The following UBE2R2 variants were observed in gnomAD, a reference collection of about 807,000 sequenced individuals.
The protein encoded by UBE2R2 is ubiquitin-conjugating enzyme E2 R2.
A neutral mutation model predicts 27.8 loss-of-function variants in UBE2R2; 1 was observed. The observed-to-expected ratio is 0.04, with a 90% confidence interval of 0.01 to 0.17. UBE2R2 has a LOEUF of 0.17. UBE2R2 is among the 10% of genes least tolerant of loss of function. The pLI, the probability that UBE2R2 is intolerant of heterozygous loss-of-function variation, is 1.00. For synonymous variants in UBE2R2, 106 were observed against 113.3 expected (o/e 0.94, Z 0.41); for missense variants, 100 against 291.0 (o/e 0.34, Z 4.78).
At position 33,912,057 on chromosome 9, in the gene UBE2R2, A is replaced by G. The variant is rs1239736379; in HGVS notation, c.456A>G (p.Arg152=). The G allele has an allele frequency of 6.2e-7, 1 of 1,613,314 alleles. No homozygotes were observed. Among genetic ancestry groups the G allele is most frequent in the Non-Finnish European group, 8.5e-7 (1 of 1,179,578 alleles). Residue 152 remains arginine (R), a synonymous_variant, in exon 4 of 5, where the codon AGA becomes AGG. Transcript: ENST00000263228. ...CTTCAGTTATGTTCAGGAAATGGAG[A>G]GACAGTAAAGGAAAAGACAAAGAAT... ...VDASVMFRKW[R]DSKGKDKEYA... is the part of the protein sequence containing the mutation.
chr9:33,862,605 G>A (rs1821264903), intron 1 of UBE2R2, among the ~76,000 whole-genome samples: 1 of 152,022 alleles, frequency 6.6e-6, no homozygotes, highest in African/African-American at 2.4e-5. Context: ...TATAGGAGTG[G>A]TTTTCTAGCT....
intron 2 of UBE2R2, among the ~76,000 whole-genome samples, chr9:33,891,045 G>GTGTTTTTTTGTTTTT (rs1170629259): frequency 4.4e-5 from 3 of 68,908 alleles, no homozygotes; most frequent in Non-Finnish European, 9.2e-5. Flanking sequence ...TGTTGTTGTT[G>GTGTTTTTTTGTTTTT]TGTTTTTTTG....
intron 1 of UBE2R2, among the ~76,000 whole-genome samples, chr9:33,845,188 CT>C (rs1454380503): frequency 1.3e-5 from 2 of 150,034 alleles, no homozygotes; most frequent in African/African-American, 4.9e-5. Context: ...TCCTTTTTTT[CT>C]TTTTTGTTTT....
At chr9:33,914,265 A>C (rs892633443) in intron 4 of UBE2R2, among the ~76,000 whole-genome samples, 2 of 152,272 alleles carry the variant, frequency 1.3e-5, no homozygotes, top group Non-Finnish European at 2.9e-5. Flanking sequence ...CCTAGCAGAG[A>C]TAATTCCTTA....
intron 1 of UBE2R2, among the ~76,000 whole-genome samples, chr9:33,864,242 T>C (rs1821310745): frequency 6.6e-6 from 1 of 152,186 alleles, no homozygotes; most frequent in Non-Finnish European, 1.5e-5. Flanking sequence ...CACTAGAATG[T>C]CTTTCCTTGT....
Position 33,917,255 on chromosome 9 carries a change from C to CCTGTA in UBE2R2, c.*22_*26dup. 6.2e-7 allele frequency: 1 copy of CCTGTA among 1,612,562 alleles called. No homozygotes were observed. Among genetic ancestry groups the CCTGTA allele is most frequent in the Non-Finnish European group, 8.5e-7 (1 of 1,179,490 alleles). ...AGTCGTGACGTGCTCCTTCAGTGCC[C>CCTGTA]CTGTACTGCCCTGCCATCTCAGGCC... is the stretch of plus-strand genomic sequence containing the variant. On this transcript the variant is annotated 3_prime_UTR_variant, in exon 5 of 5. Coordinates refer to ENST00000263228, the MANE Select transcript of UBE2R2 (RefSeq NM_017811.4).
intron 4 of UBE2R2, 86 bp downstream of exon 4, chr9:33,912,184 T>G: frequency 3.4e-6 from 4 of 1,165,922 alleles, no homozygotes; most frequent in East Asian, 2.5e-5. Flanking sequence ...TTAAATATCC[T>G]GTCCATTCCA....
chr9:33,834,634 C>T (rs958417652), intron 1 of UBE2R2, among the ~76,000 whole-genome samples: 5 of 151,822 alleles, frequency 3.3e-5, no homozygotes, highest in African/African-American at 7.3e-5. Flanking sequence ...ATATAGACCT[C>T]GCACGGTGGC....
At chr9:33,842,304 G>A (rs1820748941) in intron 1 of UBE2R2, among the ~76,000 whole-genome samples, 1 of 152,186 alleles carries the variant, frequency 6.6e-6, no homozygotes, top group South Asian at 2.1e-4. Flanking sequence ...GGAAGGCTGA[G>A]GTAGGAGGAT....
rs143711323 is a variant in UBE2R2, at chr9:33,861,283, G to A, written c.178-25598G>A. On this transcript the variant is annotated intron_variant, in intron 1 of 4. Coordinates refer to ENST00000263228, the MANE Select transcript of UBE2R2 (RefSeq NM_017811.4). ...CCAACCTTGTGTTAAGTTTTAAAAA[G>A]CAGGCCGGGGTTGGTGGCTCATGCC... is the stretch of plus-strand genomic sequence containing the variant. Among the ~76,000 whole-genome samples, 446 of 149,924 alleles carry A rather than the reference G, an allele frequency of 3.0e-3. 2 individuals carry two copies. The highest frequency in any genetic ancestry group is 9.9e-3 in the African/African-American group (408 of 41,112).
At chr9:33,891,154 A>G (rs905275916) in intron 2 of UBE2R2, among the ~76,000 whole-genome samples, 2 of 149,798 alleles carry the variant, frequency 1.3e-5, no homozygotes, top group Non-Finnish European at 3.0e-5. Flanking sequence ...GGTTCAAGCT[A>G]TTCTCCTGCC....
In UBE2R2 at chr9:33,919,192, T is replaced by G. The variant is rs945688021; in HGVS notation, c.*1955T>G. ...ACCTGATTACAAACTCTCATAGATG[T>G]TGGAACTACCTTTTTACTCCCCATA... On this transcript the variant is annotated 3_prime_UTR_variant, in exon 5 of 5. Transcript: ENST00000263228. 1 of 152,188 alleles carries G rather than the reference T, an allele frequency of 6.6e-6. No homozygotes were observed. The highest frequency in any genetic ancestry group is 1.5e-5 in the Non-Finnish European group (1 of 68,038). The allele number at this position is 152,188 out of a possible 1,614,324, so 9.4% of individuals were successfully genotyped here.
chr9:33,822,763 C>G (rs1820179095), intron 1 of UBE2R2, among the ~76,000 whole-genome samples: 1 of 151,576 alleles, frequency 6.6e-6, no homozygotes, highest in African/African-American at 2.4e-5. Flanking sequence ...TGCATTATTT[C>G]CTATGCTTCA....
chr9:33,916,917 G>A, intron 4 of UBE2R2, 101 bp from the exon 5 acceptor site: 1 of 1,493,734 alleles, frequency 6.7e-7, no homozygotes, highest in East Asian at 2.4e-5. Flanking sequence ...CTGAAGTTTG[G>A]AGAGCTGAGT....
chr9:33,869,881 T>C (rs1821447993), intron 1 of UBE2R2, among the ~76,000 whole-genome samples: 1 of 152,202 alleles, frequency 6.6e-6, no homozygotes, highest in Admixed American at 6.5e-5. Flanking sequence ...AGTTTCGCTC[T>C]TGTTGCCCAG....
At chr9:33,865,725 A>C (rs1350904500) in intron 1 of UBE2R2, among the ~76,000 whole-genome samples, 1 of 151,912 alleles carries the variant, frequency 6.6e-6, no homozygotes, top group Non-Finnish European at 1.5e-5. Flanking sequence ...GAACCATGTC[A>C]TACACCATTA....
chr9:33,826,473 C>T (rs1210439269), intron 1 of UBE2R2, among the ~76,000 whole-genome samples: 2 of 152,110 alleles, frequency 1.3e-5, no homozygotes, highest in East Asian at 1.9e-4. Flanking sequence ...CCGAGGCAGG[C>T]GGATCACGAG....
intron 4 of UBE2R2, among the ~76,000 whole-genome samples, chr9:33,914,226 C>T (rs572240997): frequency 6.6e-6 from 1 of 152,234 alleles, no homozygotes; most frequent in African/African-American, 2.4e-5. Flanking sequence ...ACAAGATACA[C>T]TGGGAGAAAT....
intron 1 of UBE2R2, among the ~76,000 whole-genome samples, chr9:33,851,165 CAATT>C (rs1175423681): frequency 1.3e-5 from 2 of 152,110 alleles, no homozygotes; most frequent in African/African-American, 2.4e-5. Flanking sequence ...TTTTTAAAAA[CAATT>C]AAAATAAAAA....
Sources: gnomAD v4.1 joint callset for allele counts (sites outside exome capture counted in the v4.1 genomes callset) on GRCh38, gnomAD v4.1.1 for gene constraint, MANE v1.5 for transcripts, NCBI Gene and HGNC (gene_info 2026-07-23, HGNC 2026-07-21) for gene names.